Variants in HNF4G observed in about 807,000 individuals in gnomAD.
The protein encoded by HNF4G is hepatocyte nuclear factor 4 gamma, also known as hepatocyte nuclear factor 4-gamma.
Under a neutral mutation model 50.9 loss-of-function variants are expected in HNF4G, and 21 were observed. The observed-to-expected ratio is 0.41, with a 90% CI of 0.29 to 0.59. The LOEUF (loss-of-function observed/expected upper bound fraction) is 0.59. Ranked by LOEUF, HNF4G falls within the 20% of genes least tolerant of loss-of-function variation. HNF4G has a pLI of 0.26. For missense variants in HNF4G, 527 were observed against 559.4 expected (o/e 0.94, Z 0.58); for synonymous variants, 198 against 185.6 (o/e 1.07, Z -0.54).
intron 1 of HNF4G, among the ~76,000 whole-genome samples, chr8:75,423,668 G>A (rs1810825108): frequency 6.6e-6 from 1 of 151,828 alleles, no homozygotes; most frequent in Non-Finnish European, 1.5e-5. Flanking sequence ...GGGATTACAG[G>A]CGTGAGCCAC....
Position 75,456,130 on chromosome 8 carries a change from G to A in HNF4G, c.-143-33959G>A, listed in dbSNP as rs1811717357. On this transcript the variant is annotated intron_variant, in intron 1 of 10. Transcript: ENST00000354370. ...ACAGAATTTTATAAACCTGTCCAGA[G>A]CTTCATATATATCCAGTAAGGCTCA... is the stretch of plus-strand genomic sequence containing the variant. 2.6e-5 allele frequency among the ~76,000 whole-genome samples: 4 copies of A among 152,132 alleles called. No individual in the cohort carries two copies. The South Asian group carries it at 8.3e-4, about 32-fold the overall frequency.
At chr8:75,556,361 A>G (rs1426660975) in intron 6 of HNF4G, among the ~76,000 whole-genome samples, 1 of 152,184 alleles carries the variant, frequency 6.6e-6, no homozygotes, top group Admixed American at 6.5e-5. Context: ...CAGAATGAAT[A>G]ATTAGTAAAT....
chr8:75,459,837 A>G (rs915852639), intron 1 of HNF4G, among the ~76,000 whole-genome samples: 1 of 152,190 alleles, frequency 6.6e-6, no homozygotes, highest in African/African-American at 2.4e-5. Context: ...CTCAGAGTCC[A>G]AAAGAGTTGT....
At chr8:75,498,428 C>T (rs1226196288) in intron 2 of HNF4G, among the ~76,000 whole-genome samples, 1 of 151,814 alleles carries the variant, frequency 6.6e-6, no homozygotes, top group African/African-American at 2.4e-5. Context: ...AACATTCCCG[C>T]AAAACAAGTC....
chr8:75,453,782 A>G (rs1266276896), intron 1 of HNF4G, among the ~76,000 whole-genome samples: 3 of 152,086 alleles, frequency 2.0e-5, no homozygotes, highest in East Asian at 3.9e-4. Context: ...CTCTGATCCT[A>G]ATGTTTTTTG....
intron 2 of HNF4G, among the ~76,000 whole-genome samples, chr8:75,495,758 G>A (rs71529215): frequency 6.6e-5 from 10 of 151,762 alleles, no homozygotes; most frequent in Non-Finnish European, 1.2e-4. Context: ...GTCTGGTCTC[G>A]AACTCCTGGC....
chr8:75,558,889 G>A lies in HNF4G; in HGVS notation c.975G>A (p.Gln325=). 3 of 1,614,046 alleles carry A rather than the reference G, an allele frequency of 1.9e-6. No individual in the cohort carries two copies. Among genetic ancestry groups the A allele is most frequent in the South Asian group, 2.2e-5 (2 of 91,084 alleles). The change falls in exon 8 of 10, where the codon CAG becomes CAA. Residue 325 remains glutamine (Q), a synonymous_variant. Coordinates refer to ENST00000396423, the MANE Select transcript of HNF4G (RefSeq NM_004133.5). ...IGLEDYINDR[Q]YDSRGRFGEL... is the part of the protein sequence containing the mutation. The stretch of plus-strand genomic sequence containing the variant: ...TGGAGGACTACATCAATGATCGGCA[G>A]TATGACTCCCGGGGGAGGTTTGGAG...
intron 1 of HNF4G, among the ~76,000 whole-genome samples, chr8:75,433,646 A>C (rs1324141736): frequency 6.6e-6 from 1 of 151,986 alleles, no homozygotes; most frequent in Non-Finnish European, 1.5e-5. Context: ...TGGTTCTCCC[A>C]CCTCAGCCTC....
chr8:75,445,819 A>G (rs1456889168), intron 1 of HNF4G, among the ~76,000 whole-genome samples: 3 of 141,430 alleles, frequency 2.1e-5, no homozygotes, highest in Non-Finnish European at 3.0e-5. Context: ...GTTCAGGACC[A>G]GATGGATTCA....
chr8:75,551,165 A>G (rs568850405), intron 3 of HNF4G, among the ~76,000 whole-genome samples: 218 of 152,254 alleles, frequency 1.4e-3, no homozygotes, highest in African/African-American at 5.1e-3. Flanking sequence ...TCTAACATGC[A>G]TGCTGTCATG....
chr8:75,490,782 C>T (rs1812610273), intron 2 of HNF4G, among the ~76,000 whole-genome samples: 2 of 152,022 alleles, frequency 1.3e-5, no homozygotes, highest in African/African-American at 4.8e-5. Context: ...TATTTTTTGT[C>T]CAGTAAACAA....
intron 2 of HNF4G, among the ~76,000 whole-genome samples, chr8:75,498,841 A>G (rs1249001305): frequency 6.6e-6 from 1 of 152,130 alleles, no homozygotes; most frequent in Non-Finnish European, 1.5e-5. Flanking sequence ...ACAAAATACA[A>G]CACACTTTTA....
In HNF4G at chr8:75,513,210, GTA is replaced by G. The variant is rs564651658; in HGVS notation, c.-24+23004_-24+23005del. On this transcript the variant is annotated intron_variant, in intron 2 of 10. Coordinates refer to the HNF4G transcript ENST00000354370. The stretch of plus-strand genomic sequence containing the variant: ...CTACCACCACGCCCAGCTAATTTTT[GTA>G]TTTTTAGTAGAGATGGGGTTTCACC... Among the ~76,000 whole-genome samples, 529 of 152,014 alleles carry G rather than the reference GTA, an allele frequency of 3.5e-3. 1 individual carries two copies. Among genetic ancestry groups the G allele is most frequent in the Non-Finnish European group, 5.9e-3 (402 of 67,952 alleles).
chr8:75,452,588 G>A (rs995620182), intron 1 of HNF4G, among the ~76,000 whole-genome samples: 5 of 151,980 alleles, frequency 3.3e-5, no homozygotes, highest in East Asian at 3.9e-4. Context: ...GCATGGTGGC[G>A]GGCGCCTGTA....
chr8:75,449,787 A>C (rs58520518), intron 1 of HNF4G, among the ~76,000 whole-genome samples: 1 of 152,026 alleles, frequency 6.6e-6, no homozygotes, highest in East Asian at 1.9e-4. Flanking sequence ...GATTACAGGC[A>C]TGAGCCACCG....
At chr8:75,449,170 G>T (rs1005593442) in intron 1 of HNF4G, among the ~76,000 whole-genome samples, 3 of 152,176 alleles carry the variant, frequency 2.0e-5, no homozygotes, top group Admixed American at 6.5e-5. Context: ...TGGGGATTCA[G>T]ACTGCTTCTA....
chr8:75,445,766 G>T (rs371719783), intron 1 of HNF4G, among the ~76,000 whole-genome samples: 122 of 137,474 alleles, frequency 8.9e-4, no homozygotes, highest in Admixed American at 5.1e-4. Flanking sequence ...AATAACAGGA[G>T]CTGAAATTGT....
At chr8:75,421,420 A>G (rs1414413221) in intron 1 of HNF4G, among the ~76,000 whole-genome samples, 3 of 152,176 alleles carry the variant, frequency 2.0e-5, no homozygotes, top group Admixed American at 1.3e-4. Context: ...TTGGTTTTTT[A>G]GATTAGATAT....
intron 2 of HNF4G, among the ~76,000 whole-genome samples, chr8:75,503,888 A>G (rs1379757884): frequency 6.6e-6 from 1 of 152,154 alleles, no homozygotes; most frequent in African/African-American, 2.4e-5. Flanking sequence ...CAGGTAATCT[A>G]AAGGCCTAGG....
Sources: allele counts gnomAD v4.1 joint callset (sites outside exome capture counted in the v4.1 genomes callset), GRCh38; gene constraint gnomAD v4.1.1; transcripts MANE v1.5; gene names NCBI Gene and HGNC (gene_info 2026-07-23, HGNC 2026-07-21).